XXYLT1: variants seen among roughly 807,000 people sequenced by gnomAD.
XXYLT1 encodes the protein UDP-xylose:alpha-xyloside alpha-1,3-xylosyltransferase.
A neutral mutation model predicts 28.9 loss-of-function variants in XXYLT1; 20 were observed. The observed-to-expected ratio is 0.69, with a 90% CI of 0.49 to 1.00. XXYLT1 has a LOEUF of 1.00. XXYLT1 is among the 50% of genes least tolerant of loss of function. The pLI is 0.00. For synonymous variants in XXYLT1, 257 were observed against 253.8 expected, an observed-to-expected ratio of 1.01 and a Z score of -0.12; for missense variants, 542 against 560.1, an observed-to-expected ratio of 0.97 and a Z score of 0.33.
chr3:195,252,279 G>A lies in XXYLT1; in HGVS notation c.504+18276C>T, dbSNP rs1213866020. Among the ~76,000 whole-genome samples, 9 of 152,142 alleles carry A rather than the reference G, an allele frequency of 5.9e-5. No homozygotes were observed. The East Asian group carries it at 1.5e-3, about 26-fold the overall frequency. On this transcript the variant is annotated intron_variant, in intron 1 of 3. Coordinates refer to ENST00000310380, the MANE Select transcript of XXYLT1 (RefSeq NM_152531.5). ...TAAATACCTCTGGAGGGAGTAGGAT[G>A]GAGAAGAAATAGAGTGAGCTTTAGC...
intron 1 of XXYLT1, among the ~76,000 whole-genome samples, chr3:195,263,047 T>C (rs757928153): frequency 6.6e-6 from 1 of 152,190 alleles, no homozygotes; most frequent in Non-Finnish European, 1.5e-5. Context: ...GGAAAATCCA[T>C]TGCATTTCCA....
At chr3:195,103,162 G>A (rs530963500) in intron 3 of XXYLT1, among the ~76,000 whole-genome samples, 9 of 152,226 alleles carry the variant, frequency 5.9e-5, no homozygotes, top group Non-Finnish European at 1.2e-4. Flanking sequence ...AGATAAAAGG[G>A]AGCCTAGGAA....
chr3:195,159,319 AG>A (rs1340857777), intron 2 of XXYLT1, among the ~76,000 whole-genome samples: 1 of 152,214 alleles, frequency 6.6e-6, no homozygotes, highest in East Asian at 1.9e-4. Context: ...GAGGAAGCTG[AG>A]GGCCAAGAAG....
chr3:195,121,309 C>T (rs1051817965), intron 3 of XXYLT1, among the ~76,000 whole-genome samples: 6 of 152,198 alleles, frequency 3.9e-5, no homozygotes, highest in African/African-American at 1.4e-4. Flanking sequence ...ATTCAAAGGA[C>T]AAGATGGTGA....
At chr3:195,119,926 G>A (rs1023638117) in intron 3 of XXYLT1, among the ~76,000 whole-genome samples, 2 of 150,972 alleles carry the variant, frequency 1.3e-5, no homozygotes, top group African/African-American at 4.9e-5. Context: ...GGAGGTCAGG[G>A]GCTGGGCGGG....
chr3:195,131,757 A>C (rs1718918546), intron 3 of XXYLT1, among the ~76,000 whole-genome samples: 1 of 152,234 alleles, frequency 6.6e-6, no homozygotes, highest in Non-Finnish European at 1.5e-5. Flanking sequence ...CACCATATCC[A>C]GGCTAATTTC....
At chr3:195,266,499 A>T (rs1020399657) in intron 1 of XXYLT1, among the ~76,000 whole-genome samples, 13 of 152,152 alleles carry the variant, frequency 8.5e-5, no homozygotes, top group South Asian at 2.1e-4. Context: ...TCACAAAAAA[A>T]AAATAAAAGA....
intron 1 of XXYLT1, among the ~76,000 whole-genome samples, chr3:195,260,767 C>G (rs1179111750): frequency 6.6e-6 from 1 of 152,190 alleles, no homozygotes; most frequent in Non-Finnish European, 1.5e-5. Context: ...CCTTTCTGGC[C>G]CAGGGTATCA....
At chr3:195,098,508 G>A (rs1386581516) in intron 3 of XXYLT1, among the ~76,000 whole-genome samples, 4 of 152,198 alleles carry the variant, frequency 2.6e-5, no homozygotes, top group East Asian at 1.9e-4. Context: ...AGCGGAGATC[G>A]TGCCACTGCA....
intron 1 of XXYLT1, among the ~76,000 whole-genome samples, chr3:195,231,924 T>C (rs11928199): frequency 0.097 from 14,824 of 152,124 alleles, 1,373 homozygotes; most frequent in African/African-American, 0.23. Context: ...TTGGAAGTAT[T>C]CCCTCCTCCC....
intron 2 of XXYLT1, among the ~76,000 whole-genome samples, chr3:195,218,589 G>C (rs1177362753): frequency 6.6e-6 from 1 of 152,058 alleles, no homozygotes; most frequent in Non-Finnish European, 1.5e-5. Context: ...GGCCATCAGA[G>C]AAATGCAAAT....
At chr3:195,187,603 A>G (rs1722259463) in intron 2 of XXYLT1, among the ~76,000 whole-genome samples, 2 of 152,214 alleles carry the variant, frequency 1.3e-5, no homozygotes, top group South Asian at 4.1e-4. Flanking sequence ...CAGAAGGGGA[A>G]AGAAATGGGA....
intron 3 of XXYLT1, among the ~76,000 whole-genome samples, chr3:195,151,647 ATTAT>A: frequency 6.6e-6 from 1 of 151,928 alleles, no homozygotes; most frequent in South Asian, 2.1e-4. Context: ...TAAATAAACG[ATTAT>A]TTATAAACAA....
At chr3:195,071,984 T>G (rs1254351741) in intron 3 of XXYLT1, among the ~76,000 whole-genome samples, 1 of 151,896 alleles carries the variant, frequency 6.6e-6, no homozygotes, top group Non-Finnish European at 1.5e-5. Context: ...TACCTCATGC[T>G]CCACGGAGCC....
At chr3:195,253,982 C>T (rs979192469) in intron 1 of XXYLT1, among the ~76,000 whole-genome samples, 3 of 152,190 alleles carry the variant, frequency 2.0e-5, no homozygotes, top group Non-Finnish European at 2.9e-5. Context: ...CAGAGGGAAA[C>T]GGTGCTCTCG....
intron 3 of XXYLT1, among the ~76,000 whole-genome samples, chr3:195,140,008 T>C (rs1004318275): frequency 2.0e-5 from 3 of 152,208 alleles, no homozygotes; most frequent in African/African-American, 7.2e-5. Context: ...AAGACATCTT[T>C]AGGCTCTCTG....
At position 195,270,666 on chromosome 3, in the gene XXYLT1, G is replaced by C. The variant is rs540548399; in HGVS notation, c.393C>G (p.Phe131Leu). 2.5e-6 allele frequency: 4 copies of C among 1,582,472 alleles called. No homozygotes were observed. In the Admixed American group the frequency reaches 5.2e-5, roughly 21 times the overall value. Reference sequence around the variant, plus strand: ...GAAGGTTAAGCACCTCGTGCGCCTCGAACTTGGCGAGGCGCAGCAGTGAGC... The same window carrying C: ...GAAGGTTAAGCACCTCGTGCGCCTCCAACTTGGCGAGGCGCAGCAGTGAGC... ...ALRSLLRLAK[F>L]EAHEVLNLHF... is the part of the protein sequence containing the mutation. Residue 131 changes from phenylalanine to leucine, a missense_variant, in exon 1 of 4, where the codon TTC (phenylalanine) becomes TTG (leucine). Physicochemically the swap from Phe to Leu is conservative, Grantham distance 22 (BLOSUM62 0). Transcript: ENST00000310380.
chr3:195,241,486 A>C (rs1724772786), intron 1 of XXYLT1, among the ~76,000 whole-genome samples: 2 of 152,184 alleles, frequency 1.3e-5, no homozygotes. Flanking sequence ...TCCAACAAGA[A>C]CTGGAGGAAA....
chr3:195,216,662 A>G (rs1418950487), intron 2 of XXYLT1, among the ~76,000 whole-genome samples: 4 of 147,974 alleles, frequency 2.7e-5, no homozygotes, highest in Admixed American at 6.7e-5. Context: ...AAATTGTGGC[A>G]ATAATCAATA....
Sources: gnomAD v4.1 joint callset for allele counts (sites outside exome capture counted in the v4.1 genomes callset) on GRCh38, gnomAD v4.1.1 for gene constraint, MANE v1.5 for transcripts, NCBI Gene and HGNC (gene_info 2026-07-23, HGNC 2026-07-21) for gene names.